Variants in PRMT3 observed in about 807,000 individuals in gnomAD.
PRMT3 encodes protein arginine methyltransferase 3.
Under a neutral mutation model 71.9 loss-of-function variants are expected in PRMT3, and 62 were observed. That is an observed-to-expected ratio of 0.86 (90% confidence interval 0.70 to 1.07). The LOEUF (loss-of-function observed/expected upper bound fraction) is 1.07. Among genes scored for constraint, PRMT3 ranks in the 50% least tolerant of loss-of-function variants. PRMT3 has a pLI of 0.00. For synonymous variants in PRMT3, 213 were observed against 220.4 expected, an observed-to-expected ratio of 0.97 and a Z score of 0.30; for missense variants, 663 against 643.0, an observed-to-expected ratio of 1.03 and a Z score of -0.34.
At chr11:20,439,552 A>C (rs1849839195) in intron 10 of PRMT3, among the ~76,000 whole-genome samples, 2 of 152,206 alleles carry the variant, frequency 1.3e-5, no homozygotes, top group Admixed American at 6.5e-5. Context: ...GCCCTTGCTG[A>C]TATCACTCTC....
chr11:20,506,412 A>G lies in PRMT3; in HGVS notation c.1487-1892A>G, dbSNP rs1221897846. The stretch of plus-strand genomic sequence containing the variant: ...TATATACGTACACAAAAATTGTTAT[A>G]TTTTGTTGAATGGATTGCACCTTGG... On this transcript the variant is annotated intron_variant, in intron 15 of 15. Transcript: ENST00000331079. Among the ~76,000 whole-genome samples the G allele has an allele frequency of 4.6e-5, 7 of 151,880 alleles. No homozygotes were observed. The South Asian group carries it at 1.2e-3, about 27-fold the overall frequency.
chr11:20,477,813 C>CG (rs1850831522), intron 13 of PRMT3, among the ~76,000 whole-genome samples: 1 of 141,960 alleles, frequency 7.0e-6, no homozygotes, highest in Non-Finnish European at 1.5e-5. Flanking sequence ...CCCCCCCCCC[C>CG]CACTTCCTGT....
intron 13 of PRMT3, among the ~76,000 whole-genome samples, chr11:20,466,273 CAACTTCTAGA>C (rs1383615324): frequency 6.6e-6 from 1 of 152,124 alleles, no homozygotes; most frequent in African/African-American, 2.4e-5. Flanking sequence ...ACAGTATTTT[CAACTTCTAGA>C]AACTTCTAGA....
At chr11:20,481,101 C>T (rs1215860602) in intron 13 of PRMT3, among the ~76,000 whole-genome samples, 3 of 152,148 alleles carry the variant, frequency 2.0e-5, no homozygotes, top group Non-Finnish European at 4.4e-5. Context: ...TTTAACAAAG[C>T]ATTTTAAACA....
At position 20,486,822 on chromosome 11, in the gene PRMT3, C is replaced by T. The variant is rs531772398; in HGVS notation, c.1348-7097C>T. Among the ~76,000 whole-genome samples, 297 of 152,128 alleles carry T rather than the reference C, an allele frequency of 2.0e-3. 1 individual carries two copies. The highest frequency in any genetic ancestry group is 3.4e-3 in the Non-Finnish European group (233 of 67,990). On this transcript the variant is annotated intron_variant, in intron 13 of 15. Transcript: ENST00000331079. The stretch of plus-strand genomic sequence containing the variant: ...CTGTAATCCCAGCACTTCGGCAGGG[C>T]GAAGCAGGCAGGTGGCTTGAGGTCA...
At chr11:20,401,905 C>A (rs916265445) in intron 7 of PRMT3, among the ~76,000 whole-genome samples, 2 of 152,070 alleles carry the variant, frequency 1.3e-5, no homozygotes, top group Non-Finnish European at 2.9e-5. Flanking sequence ...GGCTTACAGG[C>A]TTTTAAACAT....
At chr11:20,431,471 CAA>C (rs1849653704) in intron 10 of PRMT3, among the ~76,000 whole-genome samples, 1 of 152,094 alleles carries the variant, frequency 6.6e-6, no homozygotes, top group Non-Finnish European at 1.5e-5. Flanking sequence ...GAAAGTTATA[CAA>C]ACTTTTAAGT....
chr11:20,486,044 AC>A (rs1279795927), intron 13 of PRMT3, among the ~76,000 whole-genome samples: 1 of 152,222 alleles, frequency 6.6e-6, no homozygotes, highest in Non-Finnish European at 1.5e-5. Context: ...AGAATGAAAC[AC>A]GATACAACAT....
chr11:20,407,425 T>A (rs1476690368), intron 8 of PRMT3: 2 of 153,828 alleles, frequency 1.3e-5, no homozygotes, highest in Non-Finnish European at 2.9e-5. Context: ...TTGGAACTTT[T>A]AAAAAATTCT....
chr11:20,489,233 G>A (rs1166265504), intron 13 of PRMT3, among the ~76,000 whole-genome samples: 2 of 151,924 alleles, frequency 1.3e-5, no homozygotes, highest in Admixed American at 6.6e-5. Flanking sequence ...TCTGACTGTG[G>A]TATAATTCAG....
intron 10 of PRMT3, among the ~76,000 whole-genome samples, chr11:20,450,126 A>C (rs2133384688): frequency 6.6e-6 from 1 of 152,284 alleles, no homozygotes; most frequent in African/African-American, 2.4e-5. Flanking sequence ...ATGACAAATC[A>C]ATACAAACTT....
chr11:20,494,115 G>C (rs374269027), intron 14 of PRMT3, 52 bp from the exon 15 acceptor site: 928 of 1,512,880 alleles, frequency 6.1e-4, no homozygotes, highest in Non-Finnish European at 7.0e-4. Context: ...AATGTACCAT[G>C]ATATTAAAAA....
intron 13 of PRMT3, among the ~76,000 whole-genome samples, chr11:20,465,529 G>A (rs1434680558): frequency 6.6e-6 from 1 of 151,878 alleles, no homozygotes; most frequent in Non-Finnish European, 1.5e-5. Flanking sequence ...TTATACACAA[G>A]ACTTCATGTC....
chr11:20,465,398 C>T (rs889254012), intron 13 of PRMT3, among the ~76,000 whole-genome samples: 6 of 151,712 alleles, frequency 4.0e-5, no homozygotes, highest in African/African-American at 1.2e-4. Context: ...AAAACTATGT[C>T]CTCAGAAGTT....
chr11:20,466,000 A>G (rs1850503056), intron 13 of PRMT3, among the ~76,000 whole-genome samples: 2 of 152,188 alleles, frequency 1.3e-5, no homozygotes, highest in Non-Finnish European at 2.9e-5. Context: ...TATTAAATAT[A>G]TATTTCACAT....
Position 20,508,299 on chromosome 11 carries a change from T to C in PRMT3, c.1487-5T>C, listed in dbSNP as rs1315200662. ...TTCTTAACAATTTTTGCCTTTGTTTTACAGGTGAAGCCTTGAAAGGAAAGG... is the reference window on the plus strand; with the variant it reads ...TTCTTAACAATTTTTGCCTTTGTTTCACAGGTGAAGCCTTGAAAGGAAAGG... On this transcript the variant is annotated splice_polypyrimidine_tract_variant and splice_region_variant and intron_variant, in intron 15 of 15. Coordinates refer to ENST00000331079, the MANE Select transcript of PRMT3 (RefSeq NM_005788.4). The C allele has an allele frequency of 6.3e-7, 1 of 1,584,350 alleles. No homozygotes were observed. Among genetic ancestry groups the C allele is most frequent in the Non-Finnish European group, 8.7e-7 (1 of 1,154,040 alleles).
At chr11:20,480,983 G>T (rs1850918034) in intron 13 of PRMT3, among the ~76,000 whole-genome samples, 1 of 152,084 alleles carries the variant, frequency 6.6e-6, no homozygotes, top group African/African-American at 2.4e-5. Flanking sequence ...GGCCTGTCTT[G>T]TCAAGTCATA....
chr11:20,476,056 CAAAT>C (rs937864031), intron 13 of PRMT3, among the ~76,000 whole-genome samples: 4 of 151,528 alleles, frequency 2.6e-5, no homozygotes, highest in African/African-American at 4.9e-5. Context: ...CACATAAAAA[CAAAT>C]AAAACATGGC....
intron 15 of PRMT3, among the ~76,000 whole-genome samples, chr11:20,494,908 A>C (rs1459758148): frequency 6.6e-6 from 1 of 152,222 alleles, no homozygotes; most frequent in African/African-American, 2.4e-5. Flanking sequence ...ATTACCAATA[A>C]AATAAAAGTT....
Sources: allele counts gnomAD v4.1 joint callset (sites outside exome capture counted in the v4.1 genomes callset), GRCh38; gene constraint gnomAD v4.1.1; transcripts MANE v1.5; gene names NCBI Gene and HGNC (gene_info 2026-07-23, HGNC 2026-07-21).